The following H6PD variants were observed in gnomAD, a reference collection of about 807,000 sequenced individuals.
The protein encoded by H6PD is hexose-6-phosphate dehydrogenase/glucose 1-dehydrogenase.
Under a neutral mutation model 61.2 loss-of-function variants are expected in H6PD, and 48 were observed. The observed-to-expected ratio is 0.78, with a 90% confidence interval of 0.62 to 1.00. The LOEUF is 1.00. H6PD is among the 50% of genes least tolerant of loss of function. H6PD has a pLI of 0.00. For missense variants in H6PD, 1,093 were observed against 1,065.0 expected, an observed-to-expected ratio of 1.03 and a Z score of -0.37; for synonymous variants, 480 against 457.9, an observed-to-expected ratio of 1.05 and a Z score of -0.62.
At chr1:9,243,044 C>T in intron 1 of H6PD, 1 of 827,328 alleles carries the variant, frequency 1.2e-6, no homozygotes, top group Non-Finnish European at 1.5e-6. Context: ...CCCGTGTGGC[C>T]CTGATCCTCT....
At chr1:9,239,691 T>C (rs1397528240) in intron 1 of H6PD, among the ~76,000 whole-genome samples, 2 of 152,114 alleles carry the variant, frequency 1.3e-5, no homozygotes, top group Admixed American at 1.3e-4. Flanking sequence ...TTGAAGAAAA[T>C]TTCCCTTCCT....
intron 3 of H6PD, among the ~76,000 whole-genome samples, chr1:9,255,976 AAG>A (rs1248338434): frequency 6.6e-6 from 1 of 152,232 alleles, no homozygotes; most frequent in Non-Finnish European, 1.5e-5. Context: ...TTTTGGTGGT[AAG>A]AATTGCAGGC....
chr1:9,238,896 C>T (rs1640919654), intron 1 of H6PD, among the ~76,000 whole-genome samples: 1 of 152,080 alleles, frequency 6.6e-6, no homozygotes, highest in African/African-American at 2.4e-5. Flanking sequence ...AATATTCTGA[C>T]GTTGGCCAAC....
chr1:9,250,449 T>C (rs1570099769), intron 3 of H6PD, among the ~76,000 whole-genome samples: 1 of 74,210 alleles, frequency 1.3e-5, no homozygotes, highest in African/African-American at 5.5e-5. Context: ...TCTCCCCCAC[T>C]CCCCACCCTA....
chr1:9,264,460 TG>T lies in H6PD; in HGVS notation c.1968del (p.His657ThrfsTer62). On this transcript the variant is annotated frameshift_variant, in exon 5 of 5. Coordinates refer to ENST00000377403, the MANE Select transcript of H6PD (RefSeq NM_004285.4). LOFTEE classifies it high-confidence loss of function. ...TACTACAACATCCACCCCATGCCTG[TG>T]CACCTGCAGCAGCGGCTCTGCGCCG... is the stretch of plus-strand genomic sequence containing the variant. ...IPYYNIHPMP[V>X]HLQQRLCAEE... 1 of 1,613,278 alleles carries T rather than the reference TG, an allele frequency of 6.2e-7. No individual in the cohort carries two copies. Among genetic ancestry groups the T allele is most frequent in the South Asian group, 1.1e-5 (1 of 91,076 alleles).
intron 3 of H6PD, among the ~76,000 whole-genome samples, chr1:9,250,085 C>T (rs1396173624): frequency 6.6e-6 from 1 of 152,186 alleles, no homozygotes; most frequent in Non-Finnish European, 1.5e-5. Context: ...ACCTGTGGTT[C>T]AGACTGGAAA....
intron 4 of H6PD, 113 bp downstream of exon 4, chr1:9,262,441 C>A: frequency 2.9e-6 from 3 of 1,041,382 alleles, no homozygotes; most frequent in Non-Finnish European, 4.2e-6. Flanking sequence ...GGATTTCCCC[C>A]AGGGTGCTCG....
intron 1 of H6PD, among the ~76,000 whole-genome samples, chr1:9,242,168 C>T (rs1370001034): frequency 2.0e-5 from 3 of 152,162 alleles, no homozygotes; most frequent in African/African-American, 7.2e-5. Flanking sequence ...ATGAGAACTG[C>T]TGCTCTGGTG....
intron 3 of H6PD, among the ~76,000 whole-genome samples, chr1:9,260,826 G>T (rs1048312110): frequency 6.6e-5 from 10 of 151,422 alleles, no homozygotes; most frequent in African/African-American, 2.4e-4. Context: ...CTGACAACTG[G>T]ACATCTGCGC....
intron 3 of H6PD, among the ~76,000 whole-genome samples, chr1:9,258,686 A>C (rs1322843033): frequency 2.8e-5 from 4 of 140,708 alleles, no homozygotes; most frequent in Admixed American, 1.4e-4. Flanking sequence ...CTGGTGTTAC[A>C]TTGTTACACC....
intron 1 of H6PD, chr1:9,240,048 G>T: frequency 8.2e-7 from 1 of 1,219,578 alleles, no homozygotes. Flanking sequence ...ACTCGTAGGA[G>T]CCTCTCAGGA....
At chr1:9,255,998 A>T (rs1310503023) in intron 3 of H6PD, among the ~76,000 whole-genome samples, 2 of 152,230 alleles carry the variant, frequency 1.3e-5, no homozygotes, top group African/African-American at 4.8e-5. Flanking sequence ...CTCTGGGTCG[A>T]ACTGCCTGGG....
In H6PD at chr1:9,264,207, G is replaced by C. The variant is rs565031451; in HGVS notation, c.1714G>C (p.Glu572Gln). ...GATCTCTAAGCTGGCTAATGACATC[G>C]AGGCCACCGCTGTGCGAGCCGTGCG... ...ELISKLANDI[E>Q]ATAVRAVRRF... Residue 572 changes from glutamate (E) to glutamine (Q), a missense_variant, in exon 5 of 5, where the codon GAG becomes CAG. Physicochemically the swap from Glu to Gln is conservative, Grantham distance 29. Coordinates refer to ENST00000377403, the MANE Select transcript of H6PD (RefSeq NM_004285.4). 9.9e-6 allele frequency: 16 copies of C among 1,610,586 alleles called. No homozygotes were observed. The Middle Eastern group carries it at 6.6e-4, about 66-fold the overall frequency.
At chr1:9,251,289 T>G (rs1641353430) in intron 3 of H6PD, among the ~76,000 whole-genome samples, 1 of 152,058 alleles carries the variant, frequency 6.6e-6, no homozygotes. Flanking sequence ...GGAACTGAGG[T>G]CTTGGCACCT....
Position 9,266,594 on chromosome 1 carries a change from C to T in H6PD, c.*1725C>T, listed in dbSNP as rs1413589843. ...GGCTTCTCCGCACCTTCCACTTGCT[C>T]TCTGGATCAGGCAGATATAAACTTT... On this transcript the variant is annotated 3_prime_UTR_variant, in exon 5 of 5. Transcript: ENST00000377403. 1 of 152,258 alleles carries T rather than the reference C, an allele frequency of 6.6e-6. No homozygotes were observed. The highest frequency in any genetic ancestry group is 1.5e-5 in the Non-Finnish European group (1 of 68,076). The allele number at this position is 152,258 out of a possible 1,614,324, so 9.4% of individuals were successfully genotyped here.
rs1005565742 is a variant in H6PD, at chr1:9,254,928, C to T, written c.746-7131C>T. On this transcript the variant is annotated intron_variant, in intron 3 of 4. Coordinates refer to ENST00000377403, the MANE Select transcript of H6PD (RefSeq NM_004285.4). This position sits in a 1 kb window ranked among gnomAD's most constrained non-coding sequence, Gnocchi z 4.6. ...CATTCTCTCTGCGGGGTTGCCTGTT[C>T]TGGATATTTTGTACATATAGGATCA... 1.3e-5 allele frequency among the ~76,000 whole-genome samples: 2 copies of T among 152,198 alleles called. No homozygotes were observed. Among genetic ancestry groups the T allele is most frequent in the Admixed American group, 6.5e-5 (1 of 15,278 alleles).
chr1:9,246,854 C>G, intron 2 of H6PD, 112 bp from the exon 3 acceptor site: 1 of 803,490 alleles, frequency 1.2e-6, no homozygotes, highest in African/African-American at 1.7e-5. Flanking sequence ...GCTCAGAGGG[C>G]ATCTTCTGCT....
Position 9,243,037 on chromosome 1 carries a change from G to A in H6PD, c.-10-1888G>A, listed in dbSNP as rs201450139. 3.1e-5 allele frequency: 27 copies of A among 867,230 alleles called. No individual in the cohort carries two copies. In the East Asian group the frequency reaches 7.2e-4, roughly 23 times the overall value. 53.7% of individuals were successfully genotyped at this position (867,230 alleles called of 1,614,324 possible). A position where few individuals can be genotyped will look rare whatever the true frequency, so the allele number is the denominator to read the frequency against. Reference sequence around the variant, plus strand: ...GGAGAGGAAGGCTGGGGAGCCACCCGTGTGGCCCTGATCCTCTAGTTAAAG... The same window carrying A: ...GGAGAGGAAGGCTGGGGAGCCACCCATGTGGCCCTGATCCTCTAGTTAAAG... On this transcript the variant is annotated intron_variant, in intron 1 of 4. Coordinates refer to ENST00000377403, the MANE Select transcript of H6PD (RefSeq NM_004285.4).
At chr1:9,247,417 G>A (rs975132365) in intron 3 of H6PD, among the ~76,000 whole-genome samples, 5 of 152,126 alleles carry the variant, frequency 3.3e-5, no homozygotes, top group Non-Finnish European at 5.9e-5. Context: ...GGGCTTCCCC[G>A]ACTGTGGTGC....
Sources: gnomAD v4.1 joint callset for allele counts (sites outside exome capture counted in the v4.1 genomes callset) on GRCh38, gnomAD v4.1.1 for gene constraint, Gnocchi (gnomAD v3.1) non-coding constraint, MANE v1.5 for transcripts, NCBI Gene and HGNC (gene_info 2026-07-23, HGNC 2026-07-21) for gene names.